ZDHHC21: variants seen among roughly 807,000 people sequenced by gnomAD.
The protein encoded by ZDHHC21 is palmitoyltransferase ZDHHC21.
ZDHHC21 carries 15 observed loss-of-function variants against 34.6 expected under a neutral mutation model. The ratio of observed to expected loss-of-function variants is 0.43; its 90% CI spans 0.29 to 0.67. The LOEUF (loss-of-function observed/expected upper bound fraction) is 0.67, where lower values mean the gene tolerates loss of function less well. Ranked by LOEUF, ZDHHC21 falls within the 30% of genes least tolerant of loss-of-function variation. The pLI is 0.14. For missense variants in ZDHHC21, 344 were observed against 327.7 expected (o/e 1.05, Z -0.38); for synonymous variants, 142 against 101.8 (o/e 1.40, Z -2.38).
the ZDHHC21 span, among the ~76,000 whole-genome samples, chr9:14,597,756 C>T: frequency 2.6e-5 from 4 of 152,176 alleles, no homozygotes; most frequent in Non-Finnish European, 4.4e-5. Context: ...GGCAGCCACA[C>T]ACAGCAACAC....
At chr9:14,634,173 T>C (rs1229175016) in intron 8 of ZDHHC21, among the ~76,000 whole-genome samples, 3 of 152,144 alleles carry the variant, frequency 2.0e-5, no homozygotes, top group African/African-American at 7.2e-5. Flanking sequence ...CCACCACAGC[T>C]GGCACCCACA....
At chr9:14,682,677 C>A (rs1295074881) in intron 2 of ZDHHC21, among the ~76,000 whole-genome samples, 2 of 152,118 alleles carry the variant, frequency 1.3e-5, no homozygotes, top group Admixed American at 1.3e-4. Context: ...CAGCTCTGCA[C>A]CAAGAGGACC....
rs1824409635 is a variant in ZDHHC21 at position 14,617,398 on chromosome 9, AAT to A, written c.*1566_*1567del. The A allele has an allele frequency of 6.6e-6, 1 of 152,002 alleles. No homozygotes were observed. Among genetic ancestry groups the A allele is most frequent in the African/African-American group, 2.4e-5 (1 of 41,430 alleles). 9.4% of individuals were successfully genotyped at this position (152,002 alleles called of 1,614,324 possible). On this transcript the variant is annotated 3_prime_UTR_variant, in exon 10 of 10. Coordinates refer to ENST00000380916, the MANE Select transcript of ZDHHC21 (RefSeq NM_178566.6). ...AGAAGAACTTACTCTATTATTTCAG[AAT>A]ATGCTACAAGATATTTACAATTTCT...
the ZDHHC21 span, among the ~76,000 whole-genome samples, chr9:14,601,502 G>A: frequency 1.3e-5 from 2 of 152,178 alleles, no homozygotes; most frequent in South Asian, 2.1e-4. Context: ...AACAACAGAT[G>A]CTGGAGAGGA....
At chr9:14,622,490 G>C in intron 8 of ZDHHC21, 1 of 977,858 alleles carries the variant, frequency 1.0e-6, no homozygotes, top group South Asian at 4.8e-5. Context: ...GTTGCAGGGG[G>C]GTGGGATAAA....
chr9:14,654,660 T>C (rs1831865716), intron 7 of ZDHHC21, among the ~76,000 whole-genome samples: 1 of 151,844 alleles, frequency 6.6e-6, no homozygotes, highest in African/African-American at 2.4e-5. Flanking sequence ...ACAGAAATTA[T>C]CAATGAAAGA....
the ZDHHC21 span, among the ~76,000 whole-genome samples, chr9:14,602,476 A>G: frequency 1.3e-5 from 2 of 151,986 alleles, no homozygotes; most frequent in Non-Finnish European, 1.5e-5. Context: ...CTAGATAGAC[A>G]AAGTGCAGTG....
At chr9:14,593,651 A>T in the ZDHHC21 span, 4 of 152,258 alleles carry the variant, frequency 2.6e-5, no homozygotes, top group African/African-American at 9.7e-5. Context: ...ATCAGTTTTG[A>T]GACTGTCCCT....
intron 7 of ZDHHC21, among the ~76,000 whole-genome samples, chr9:14,655,437 TA>T (rs1340653438): frequency 2.6e-5 from 4 of 151,930 alleles, no homozygotes; most frequent in Non-Finnish European, 5.9e-5. Flanking sequence ...ATACTGACTA[TA>T]GGTAACATAT....
Position 14,690,386 on chromosome 9 carries a change from C to A in ZDHHC21, c.-224-1G>T. 1 of 455,720 alleles carries A rather than the reference C, an allele frequency of 2.2e-6. No homozygotes were observed. Among genetic ancestry groups the A allele is most frequent in the South Asian group, 1.6e-5 (1 of 64,270 alleles). The allele number at this position is 455,720 out of a possible 1,614,324, so 28.2% of individuals were successfully genotyped here. The stretch of plus-strand genomic sequence containing the variant: ...GCAGTAAGTGAAAAAGTTCTTCATT[C>A]TGTAATTACAGATAAAAAGCTTAAA... On this transcript the variant is annotated splice_acceptor_variant, in intron 1 of 9. Coordinates refer to ENST00000380916, the MANE Select transcript of ZDHHC21 (RefSeq NM_178566.6). LOFTEE classifies it low-confidence loss of function (5UTR_SPLICE).
Position 14,613,336 on chromosome 9 carries a change from T to C in ZDHHC21, c.*5630A>G, listed in dbSNP as rs1203087021. The C allele has an allele frequency of 6.6e-6, 1 of 151,914 alleles. No individual in the cohort carries two copies. Among genetic ancestry groups the C allele is most frequent in the East Asian group, 1.9e-4 (1 of 5,186 alleles). 9.4% of individuals were successfully genotyped at this position (151,914 alleles called of 1,614,324 possible). ...TACAGGAATTAAAAATGTCACTCAA[T>C]GCTAAAGTGAATAGCACCAGGATGT... On this transcript the variant is annotated 3_prime_UTR_variant, in exon 10 of 10. Transcript: ENST00000380916.
chr9:14,681,312 T>A (rs1837329215), intron 2 of ZDHHC21, among the ~76,000 whole-genome samples: 1 of 152,172 alleles, frequency 6.6e-6, no homozygotes. Flanking sequence ...CCTAGCACAC[T>A]GGGCTCAAGC....
chr9:14,691,226 G>A (rs1232396677), intron 1 of ZDHHC21, among the ~76,000 whole-genome samples: 1 of 152,110 alleles, frequency 6.6e-6, no homozygotes, highest in African/African-American at 2.4e-5. Flanking sequence ...CTAGCAGGAG[G>A]ACAAACAATA....
At chr9:14,689,592 T>C (rs945462295) in intron 2 of ZDHHC21, among the ~76,000 whole-genome samples, 1 of 152,180 alleles carries the variant, frequency 6.6e-6, no homozygotes, top group Non-Finnish European at 1.5e-5. Context: ...GAAAAATAAA[T>C]GTACATGACT....
the ZDHHC21 span, among the ~76,000 whole-genome samples, chr9:14,598,768 T>A: frequency 2.6e-5 from 4 of 152,236 alleles, no homozygotes; most frequent in South Asian, 8.3e-4. Context: ...TATTTATTTT[T>A]AAGACAGGGT....
rs1823239292 is a variant in ZDHHC21 at position 14,611,197 on chromosome 9, TG to T, written c.*7768del. 6.6e-6 allele frequency: 1 copy of T among 151,992 alleles called. No individual in the cohort carries two copies. The highest frequency in any genetic ancestry group is 6.6e-5 in the Admixed American group (1 of 15,222). The allele number at this position is 151,992 out of a possible 1,614,324, so 9.4% of individuals were successfully genotyped here. On this transcript the variant is annotated 3_prime_UTR_variant, in exon 10 of 10. Transcript: ENST00000380916. Reference sequence around the variant, plus strand: ...CTGCAAAGAAAATAGAAATATTACGTGAAAAAAACTAAATCGCTACAATAAA... The same window carrying T: ...CTGCAAAGAAAATAGAAATATTACGTAAAAAAACTAAATCGCTACAATAAA...
At chr9:14,654,647 A>G (rs1831862509) in intron 7 of ZDHHC21, among the ~76,000 whole-genome samples, 2 of 152,090 alleles carry the variant, frequency 1.3e-5, no homozygotes, top group African/African-American at 2.4e-5. Flanking sequence ...AGATGATTTC[A>G]CCACAGAAAT....
chr9:14,639,816 C>T (rs1453344766), intron 8 of ZDHHC21, 80 bp downstream of exon 8: 4 of 798,020 alleles, frequency 5.0e-6, no homozygotes, highest in Non-Finnish European at 7.3e-6. Context: ...GATTTCTAAA[C>T]TTCCTATAAC....
intron 6 of ZDHHC21, among the ~76,000 whole-genome samples, chr9:14,659,707 G>A (rs1057463348): frequency 7.2e-5 from 11 of 152,194 alleles, no homozygotes; most frequent in Non-Finnish European, 1.3e-4. Flanking sequence ...AACTTAAATC[G>A]CTCTTTTTAA....
Sources: gnomAD v4.1 joint callset for allele counts (sites outside exome capture counted in the v4.1 genomes callset) on GRCh38, gnomAD v4.1.1 for gene constraint, MANE v1.5 for transcripts, NCBI Gene and HGNC (gene_info 2026-07-23, HGNC 2026-07-21) for gene names.